The following SCMH1 variants were observed in gnomAD, a reference collection of about 807,000 sequenced individuals.
The protein encoded by SCMH1 is Scm polycomb group protein homolog 1, also known as polycomb protein SCMH1.
In SCMH1, 37 loss-of-function variants were observed where a neutral mutation model predicts 70.8. The ratio of observed to expected loss-of-function variants is 0.52; its 90% CI spans 0.40 to 0.69. The LOEUF (loss-of-function observed/expected upper bound fraction) is 0.69, where lower values mean the gene tolerates loss of function less well. Among genes scored for constraint, SCMH1 ranks in the 30% least tolerant of loss-of-function variants. SCMH1 has a pLI of 0.00. For synonymous variants in SCMH1, 292 were observed against 307.4 expected (o/e 0.95, Z 0.52); for missense variants, 607 against 827.3 (o/e 0.73, Z 3.27).
At chr1:41,235,014 A>G (rs6682027) in intron 1 of SCMH1, among the ~76,000 whole-genome samples, 23,941 of 152,026 alleles carry the variant, frequency 0.16, 2,035 homozygotes, top group Middle Eastern at 0.28. Flanking sequence ...CCTGGGCTCA[A>G]GAGATTTGAC....
chr1:41,168,875 C>G (rs954276340), intron 2 of SCMH1, among the ~76,000 whole-genome samples: 2 of 152,044 alleles, frequency 1.3e-5, no homozygotes, highest in Non-Finnish European at 2.9e-5. Flanking sequence ...TCCATCAATA[C>G]CCCCACAATA....
At chr1:41,154,519 G>A (rs1381738605) in intron 4 of SCMH1, among the ~76,000 whole-genome samples, 1 of 152,210 alleles carries the variant, frequency 6.6e-6, no homozygotes, top group Admixed American at 6.5e-5. Context: ...ACAAAGAACT[G>A]TGTTAAATGT....
At chr1:41,152,522 C>T (rs1645157352) in intron 4 of SCMH1, 3 of 1,458,368 alleles carry the variant, frequency 2.1e-6, no homozygotes, top group Admixed American at 1.7e-5. Flanking sequence ...TTGATACAGA[C>T]CTCATTGGAT....
chr1:41,161,893 C>A (rs1646064166), intron 2 of SCMH1, among the ~76,000 whole-genome samples: 2 of 152,250 alleles, frequency 1.3e-5, no homozygotes. Flanking sequence ...CTCCGCAGTA[C>A]CGCAGAATGT....
intron 8 of SCMH1, chr1:41,099,026 G>C: frequency 3.9e-6 from 1 of 256,778 alleles, no homozygotes; most frequent in Non-Finnish European, 7.8e-6. Flanking sequence ...CTATGACACT[G>C]ATGTGGTCAA....
At chr1:41,176,437 C>T (rs1050468079) in intron 2 of SCMH1, among the ~76,000 whole-genome samples, 6 of 152,284 alleles carry the variant, frequency 3.9e-5, no homozygotes, top group Admixed American at 2.0e-4. Context: ...GAGCATGAGC[C>T]GAAGCAGGGC....
At chr1:41,118,245 G>T (rs114293570) in intron 6 of SCMH1, among the ~76,000 whole-genome samples, 19 of 152,302 alleles carry the variant, frequency 1.2e-4, no homozygotes, top group African/African-American at 4.6e-4. Flanking sequence ...ATGCTGTAAA[G>T]TAAATAGTGG....
intron 13 of SCMH1, 46 bp downstream of exon 13, chr1:41,037,316 G>T (rs1645441072): frequency 2.5e-6 from 4 of 1,581,148 alleles, no homozygotes; most frequent in Non-Finnish European, 3.5e-6. Flanking sequence ...GGAAGTGAAG[G>T]AAAGAGTGAG....
chr1:41,203,336 G>A (rs937892102), intron 1 of SCMH1, among the ~76,000 whole-genome samples: 3 of 151,990 alleles, frequency 2.0e-5, no homozygotes, highest in South Asian at 4.1e-4. Flanking sequence ...ATTGAGATCC[G>A]TTTTTAATTT....
intron 7 of SCMH1, among the ~76,000 whole-genome samples, chr1:41,115,585 G>A (rs755630447): frequency 1.3e-5 from 2 of 152,210 alleles, no homozygotes; most frequent in African/African-American, 2.4e-5. Flanking sequence ...CTACAGGCAC[G>A]TGCCACCACT....
intron 10 of SCMH1, among the ~76,000 whole-genome samples, chr1:41,050,079 G>C (rs1044191380): frequency 3.9e-5 from 6 of 152,120 alleles, no homozygotes; most frequent in Admixed American, 2.6e-4. Flanking sequence ...AAAAGAGCTT[G>C]AGGGTCCCAA....
intron 8 of SCMH1, among the ~76,000 whole-genome samples, chr1:41,106,404 G>T (rs1054200527): frequency 2.0e-5 from 3 of 151,660 alleles, no homozygotes; most frequent in African/African-American, 7.3e-5. Flanking sequence ...CTTCTACCAT[G>T]AGTAAAAGCT....
chr1:41,148,144 T>C (rs1299562012), intron 5 of SCMH1, among the ~76,000 whole-genome samples: 2 of 152,330 alleles, frequency 1.3e-5, no homozygotes, highest in East Asian at 3.9e-4. Context: ...AAGATAGTAC[T>C]ACTTCATGCA....
exon 4 of SCMH1, chr1:41,160,875 C>A: frequency 6.5e-7 from 1 of 1,550,178 alleles, no homozygotes; most frequent in South Asian, 1.2e-5. Context: ...AATAGCTTAC[C>A]TAGATCCAGG....
chr1:41,221,633 A>G (rs1659302078), intron 1 of SCMH1, among the ~76,000 whole-genome samples: 1 of 151,720 alleles, frequency 6.6e-6, no homozygotes, highest in African/African-American at 2.4e-5. Flanking sequence ...CATGCCTATA[A>G]TCCCAGCACT....
intron 6 of SCMH1, among the ~76,000 whole-genome samples, chr1:41,136,654 G>A (rs1383599123): frequency 6.6e-6 from 1 of 151,896 alleles, no homozygotes; most frequent in African/African-American, 2.4e-5. Flanking sequence ...TTACAGGTGT[G>A]AGCCATTGTG....
chr1:41,146,922 G>A (rs934447943), intron 5 of SCMH1, among the ~76,000 whole-genome samples: 1 of 151,936 alleles, frequency 6.6e-6, no homozygotes, highest in Non-Finnish European at 1.5e-5. Context: ...ATTTTGGTCA[G>A]GCATCTTCTA....
chr1:41,151,655 C>T, exon 5 of SCMH1: 2 of 1,612,494 alleles, frequency 1.2e-6, no homozygotes, highest in Non-Finnish European at 1.7e-6. Flanking sequence ...GAACATGTTT[C>T]TTTTAGGTAT....
intron 6 of SCMH1, among the ~76,000 whole-genome samples, chr1:41,123,547 T>G (rs1672460448): frequency 6.6e-6 from 1 of 152,208 alleles, no homozygotes; most frequent in Non-Finnish European, 1.5e-5. Context: ...AATCCCTATT[T>G]AACTGATCTG....
Sources: allele counts gnomAD v4.1 joint callset (sites outside exome capture counted in the v4.1 genomes callset), GRCh38; gene constraint gnomAD v4.1.1; transcripts MANE v1.5; gene names NCBI Gene and HGNC (gene_info 2026-07-23, HGNC 2026-07-21).